Variants in LRRTM4 observed in about 807,000 individuals in gnomAD.
The protein encoded by LRRTM4 is leucine rich repeat transmembrane neuronal 4.
A neutral mutation model predicts 47.6 loss-of-function variants in LRRTM4; 25 were observed. The observed-to-expected ratio is 0.53, with a 90% CI of 0.38 to 0.73. The LOEUF is 0.73. LRRTM4 is among the 30% of genes least tolerant of loss of function. The pLI is 0.00. For synonymous variants in LRRTM4, 311 were observed against 269.5 expected, an observed-to-expected ratio of 1.15 and a Z score of -1.51; for missense variants, 638 against 713.4, an observed-to-expected ratio of 0.89 and a Z score of 1.20.
intron 3 of LRRTM4, among the ~76,000 whole-genome samples, chr2:77,492,392 T>C (rs1678202992): frequency 6.6e-6 from 1 of 152,150 alleles, no homozygotes; most frequent in Non-Finnish European, 1.5e-5. Flanking sequence ...CTAGAGTATC[T>C]GGACTACAAG....
intron 3 of LRRTM4, among the ~76,000 whole-genome samples, chr2:77,420,921 A>G (rs1426248487): frequency 6.7e-6 from 1 of 148,318 alleles, no homozygotes; most frequent in Non-Finnish European, 1.5e-5. Flanking sequence ...AGCACCTCAA[A>G]CATCCAGATT....
At chr2:76,813,568 A>T (rs1187849071) in intron 3 of LRRTM4, among the ~76,000 whole-genome samples, 1 of 151,946 alleles carries the variant, frequency 6.6e-6, no homozygotes, top group Non-Finnish European at 1.5e-5. Context: ...TTAGGTGCAA[A>T]CTAAATTCAT....
chr2:76,794,117 T>C (rs1675126979), intron 3 of LRRTM4, among the ~76,000 whole-genome samples: 1 of 152,090 alleles, frequency 6.6e-6, no homozygotes. Flanking sequence ...GGAGCGAAGA[T>C]TTGATTTTAT....
chr2:77,046,068 G>A (rs541574694), intron 3 of LRRTM4, among the ~76,000 whole-genome samples: 9 of 151,966 alleles, frequency 5.9e-5, no homozygotes, highest in South Asian at 4.1e-4. Flanking sequence ...GGATTTGTAC[G>A]TTTGATTCTT....
At position 77,328,290 on chromosome 2, in the gene LRRTM4, C is replaced by T. The variant is rs900046373; in HGVS notation, c.1551+190028G>A. Reference sequence around the variant, plus strand: ...ACTGAATAATAGCTCTCTGCAAAATCCCAGCCACATAAAAGCACTGCTCTG... The same window carrying T: ...ACTGAATAATAGCTCTCTGCAAAATTCCAGCCACATAAAAGCACTGCTCTG... On this transcript the variant is annotated intron_variant, in intron 3 of 3. Coordinates refer to ENST00000409884, the MANE Select transcript of LRRTM4 (RefSeq NM_001134745.3). Among the ~76,000 whole-genome samples the T allele has an allele frequency of 2.0e-5, 3 of 152,150 alleles. No homozygotes were observed. In the South Asian group the frequency reaches 6.2e-4, roughly 32 times the overall value.
intron 3 of LRRTM4, among the ~76,000 whole-genome samples, chr2:76,950,262 G>A (rs867720740): frequency 6.6e-6 from 1 of 151,838 alleles, no homozygotes; most frequent in Admixed American, 6.6e-5. Flanking sequence ...TCACCTCAAA[G>A]GTCTCTATGG....
intron 3 of LRRTM4, among the ~76,000 whole-genome samples, chr2:77,418,521 CT>C (rs993778911): frequency 6.6e-6 from 1 of 152,158 alleles, no homozygotes; most frequent in African/African-American, 2.4e-5. Flanking sequence ...ACTAATAATT[CT>C]GTGCTCAAAA....
At chr2:76,821,800 G>C (rs1253853119) in intron 3 of LRRTM4, among the ~76,000 whole-genome samples, 1 of 151,510 alleles carries the variant, frequency 6.6e-6, no homozygotes, top group Non-Finnish European at 1.5e-5. Flanking sequence ...ACCTTATTAA[G>C]GTGAGCCATA....
chr2:77,311,024 G>GGT lies in LRRTM4; in HGVS notation c.1551+207292_1551+207293dup, dbSNP rs1240650466. Among the ~76,000 whole-genome samples the GGT allele has an allele frequency of 7.0e-3, 1,052 of 151,092 alleles. 15 individuals are homozygous for GGT. The highest frequency in any genetic ancestry group is 0.023 in the African/African-American group (944 of 40,962). Reference sequence around the variant, plus strand: ...TATAGAGAGAGAATATTATGTGTGTGGTGTGTGTGTGTGAGAGATATTTAT... The same window carrying GGT: ...TATAGAGAGAGAATATTATGTGTGTGGTGTGTGTGTGTGTGAGAGATATTTAT... On this transcript the variant is annotated intron_variant, in intron 3 of 3. Coordinates refer to ENST00000409884, the MANE Select transcript of LRRTM4 (RefSeq NM_001134745.3).
chr2:77,018,702 C>A (rs1678161844), intron 3 of LRRTM4, among the ~76,000 whole-genome samples: 1 of 151,932 alleles, frequency 6.6e-6, no homozygotes, highest in African/African-American at 2.4e-5. Context: ...GAAGGTTTAC[C>A]ACAACTCAGA....
intron 3 of LRRTM4, among the ~76,000 whole-genome samples, chr2:76,916,587 CCTTT>C (rs754862335): frequency 1.3e-5 from 2 of 151,880 alleles, no homozygotes; most frequent in Non-Finnish European, 2.9e-5. Flanking sequence ...TTCATTATTT[CCTTT>C]CTTTGTGAAC....
chr2:77,062,003 A>G (rs758682133), intron 3 of LRRTM4, among the ~76,000 whole-genome samples: 17 of 152,208 alleles, frequency 1.1e-4, no homozygotes, highest in Non-Finnish European at 1.8e-4. Context: ...AAAGTACAGT[A>G]CGATGAAAAT....
intron 3 of LRRTM4, among the ~76,000 whole-genome samples, chr2:77,371,340 A>G (rs889964068): frequency 6.6e-6 from 1 of 151,826 alleles, no homozygotes; most frequent in African/African-American, 2.4e-5. Flanking sequence ...GAATTCAGCT[A>G]GGCCTTCAGC....
chr2:76,801,085 C>T (rs1272908066), intron 3 of LRRTM4, among the ~76,000 whole-genome samples: 4 of 151,608 alleles, frequency 2.6e-5, no homozygotes, highest in Non-Finnish European at 5.9e-5. Flanking sequence ...CTAGTTCGAC[C>T]ATTGTGGAAG....
At chr2:77,090,869 C>T (rs923647714) in intron 3 of LRRTM4, among the ~76,000 whole-genome samples, 1 of 152,130 alleles carries the variant, frequency 6.6e-6, no homozygotes, top group African/African-American at 2.4e-5. Context: ...GCCTCGGCAG[C>T]CCCCTAGACC....
chr2:76,968,385 CACAT>C (rs1285889783), intron 3 of LRRTM4, among the ~76,000 whole-genome samples: 3 of 79,632 alleles, frequency 3.8e-5, no homozygotes, highest in African/African-American at 1.2e-4. Flanking sequence ...TATATATATA[CACAT>C]ACATACATAC....
intron 3 of LRRTM4, among the ~76,000 whole-genome samples, chr2:77,371,529 T>C (rs1486674725): frequency 2.6e-5 from 4 of 151,748 alleles, no homozygotes; most frequent in Non-Finnish European, 4.4e-5. Flanking sequence ...TTTACCTCAA[T>C]ATTCCACCTC....
Position 77,454,052 on chromosome 2 carries a change from C to G in LRRTM4, c.1551+64266G>C, listed in dbSNP as rs192969025. Reference sequence around the variant, plus strand: ...GTCACCTTACTATCTCCTCTCATAACGCCAGACACTTTCTTTTAAAGCCCC... The same window carrying G: ...GTCACCTTACTATCTCCTCTCATAAGGCCAGACACTTTCTTTTAAAGCCCC... On this transcript the variant is annotated intron_variant, in intron 3 of 3. Transcript: ENST00000409884. Among the ~76,000 whole-genome samples, 201 of 152,238 alleles carry G rather than the reference C, an allele frequency of 1.3e-3. 2 individuals carry two copies. The highest frequency in any genetic ancestry group is 1.3e-3 in the Non-Finnish European group (90 of 67,998).
chr2:76,780,676 G>T (rs1028487365), intron 3 of LRRTM4, among the ~76,000 whole-genome samples: 1 of 151,986 alleles, frequency 6.6e-6, no homozygotes, highest in Non-Finnish European at 1.5e-5. Context: ...TTTTTTCAAA[G>T]TTTTCAACTT....
Sources: gnomAD v4.1 joint callset for allele counts (sites outside exome capture counted in the v4.1 genomes callset) on GRCh38, gnomAD v4.1.1 for gene constraint, MANE v1.5 for transcripts, NCBI Gene and HGNC (gene_info 2026-07-23, HGNC 2026-07-21) for gene names.